Variants in ADAM9 observed in about 807,000 individuals in gnomAD.
ADAM9 encodes disintegrin and metalloproteinase domain-containing protein 9.
A neutral mutation model predicts 108.1 loss-of-function variants in ADAM9; 54 were observed. The observed-to-expected ratio is 0.50, with a 90% CI of 0.40 to 0.63. The LOEUF is 0.63. Among genes scored for constraint, ADAM9 ranks in the 20% least tolerant of loss-of-function variants. The pLI, the probability that ADAM9 is intolerant of heterozygous loss-of-function variation, is 0.00. For missense variants in ADAM9, 830 were observed against 997.7 expected, an observed-to-expected ratio of 0.83 and a Z score of 2.26; for synonymous variants, 316 against 336.0, an observed-to-expected ratio of 0.94 and a Z score of 0.65.
At chr8:39,028,136 A>G (rs1270838326) in intron 11 of ADAM9, among the ~76,000 whole-genome samples, 1 of 152,120 alleles carries the variant, frequency 6.6e-6, no homozygotes, top group Non-Finnish European at 1.5e-5. Flanking sequence ...CGTGGCCCCA[A>G]GTGTTCATGC....
chr8:39,062,670 C>G (rs1184147025), intron 14 of ADAM9, among the ~76,000 whole-genome samples: 1 of 152,194 alleles, frequency 6.6e-6, no homozygotes, highest in African/African-American at 2.4e-5. Flanking sequence ...CACCTAGAAT[C>G]TGATACTTTC....
intron 18 of ADAM9, among the ~76,000 whole-genome samples, chr8:39,086,520 C>G (rs985918494): frequency 2.0e-5 from 3 of 152,054 alleles, no homozygotes; most frequent in African/African-American, 7.2e-5. Flanking sequence ...ACATAAGATG[C>G]TCAATCTTTA....
intron 3 of ADAM9, among the ~76,000 whole-genome samples, chr8:39,012,597 C>G (rs1322987405): frequency 1.3e-5 from 2 of 152,138 alleles, no homozygotes; most frequent in Non-Finnish European, 2.9e-5. Context: ...ACATAGACAC[C>G]ATGGAATACT....
chr8:39,069,811 C>T (rs969851519), intron 14 of ADAM9, among the ~76,000 whole-genome samples: 2 of 151,732 alleles, frequency 1.3e-5, no homozygotes, highest in African/African-American at 4.8e-5. Flanking sequence ...TAAATATTTC[C>T]TCTACTGTCA....
rs576834506 is a variant in ADAM9 at position 39,063,215 on chromosome 8, T to A, written c.1591+7443T>A. 8.5e-5 allele frequency among the ~76,000 whole-genome samples: 13 copies of A among 152,344 alleles called. No individual in the cohort carries two copies. The South Asian group carries it at 2.7e-3, about 32-fold the overall frequency. On this transcript the variant is annotated intron_variant, in intron 14 of 21. Transcript: ENST00000487273. Reference sequence around the variant, plus strand: ...TCTTGGAGTGTGGTGAACCTCCTCATGGGTTGTATTTAGTATTTCACCTTT... The same window carrying A: ...TCTTGGAGTGTGGTGAACCTCCTCAAGGGTTGTATTTAGTATTTCACCTTT...
intron 13 of ADAM9, 49 bp downstream of exon 13, chr8:39,054,622 A>AG: frequency 1.4e-6 from 2 of 1,432,490 alleles, no homozygotes; most frequent in Non-Finnish European, 1.9e-6. Flanking sequence ...AAAAAAAAAA[A>AG]GAAAACCTGT....
At chr8:39,064,802 A>G in intron 14 of ADAM9, among the ~76,000 whole-genome samples, 1 of 152,164 alleles carries the variant, frequency 6.6e-6, no homozygotes, top group East Asian at 1.9e-4. Flanking sequence ...TTTTATTTGG[A>G]CTAAATACTT....
rs1838095917 is a variant in ADAM9 at position 39,055,657 on chromosome 8, C to T, written c.1476C>T (p.Phe492=). ...VPEYCNGSSQ[F]CQPDVFIQNG... is the part of the protein sequence containing the mutation. ...AGTACTGCAATGGTTCTTCTCAGTT[C>T]TGTCAGCCAGATGTTTTTATTCAGA... The change falls in exon 14 of 22, where the codon TTC becomes TTT. Residue 492 remains phenylalanine (F), a synonymous_variant. Transcript: ENST00000487273. The T allele has an allele frequency of 1.2e-6, 2 of 1,613,782 alleles. No homozygotes were observed. The highest frequency in any genetic ancestry group is 1.7e-6 in the Non-Finnish European group (2 of 1,179,790).
intron 12 of ADAM9, among the ~76,000 whole-genome samples, chr8:39,043,734 A>G (rs894723214): frequency 1.3e-5 from 2 of 152,046 alleles, no homozygotes; most frequent in East Asian, 3.9e-4. Flanking sequence ...TCAAATAGTG[A>G]ACATTGTACC....
rs141760645 is a variant in ADAM9 at position 39,014,868 on chromosome 8, A to G, written c.333+825A>G. 2.6e-3 allele frequency: 756 copies of G among 292,482 alleles called. 5 individuals are homozygous for G. The highest frequency in any genetic ancestry group is 0.015 in the African/African-American group (683 of 45,490). 18.1% of individuals were successfully genotyped at this position (292,482 alleles called of 1,614,324 possible). A position where few individuals can be genotyped will look rare whatever the true frequency, so the allele number is the denominator to read the frequency against. ...ACTTACAAAAACCAAGGAAATGCTGACTTAGGCCTATCTTCTGGTCCACTA... is the reference window on the plus strand; with the variant it reads ...ACTTACAAAAACCAAGGAAATGCTGGCTTAGGCCTATCTTCTGGTCCACTA... On this transcript the variant is annotated intron_variant, in intron 4 of 21. Coordinates refer to ENST00000487273, the MANE Select transcript of ADAM9 (RefSeq NM_003816.3).
chr8:39,045,882 T>C (rs890751408), intron 12 of ADAM9, among the ~76,000 whole-genome samples: 2 of 151,902 alleles, frequency 1.3e-5, no homozygotes, highest in Non-Finnish European at 2.9e-5. Flanking sequence ...GATCAGCCTT[T>C]TTTTTTTTGA....
intron 4 of ADAM9, 168 bp downstream of exon 4, chr8:39,014,211 A>T (rs970242418): frequency 1.6e-6 from 1 of 642,100 alleles, no homozygotes; most frequent in African/African-American, 1.8e-5. Context: ...TCTATAGACT[A>T]AGCTGTACCT....
At position 39,017,484 on chromosome 8, in the gene ADAM9, A is replaced by G; in HGVS notation, c.606+70A>G. 4.1e-6 allele frequency: 6 copies of G among 1,477,222 alleles called. No individual in the cohort carries two copies. In the South Asian group the frequency reaches 5.9e-5, roughly 15 times the overall value. 91.5% of individuals were successfully genotyped at this position (1,477,222 alleles called of 1,614,324 possible). ...GAAAAATCATGTATTTATTCATGAAATCAATACTATGAGTAGTGTTTTTTT... is the reference window on the plus strand; with the variant it reads ...GAAAAATCATGTATTTATTCATGAAGTCAATACTATGAGTAGTGTTTTTTT... On this transcript the variant is annotated intron_variant, in intron 6 of 21. Coordinates refer to ENST00000487273, the MANE Select transcript of ADAM9 (RefSeq NM_003816.3).
intron 12 of ADAM9, among the ~76,000 whole-genome samples, chr8:39,044,476 G>A (rs771051687): frequency 6.6e-6 from 1 of 151,976 alleles, no homozygotes; most frequent in Non-Finnish European, 1.5e-5. Flanking sequence ...GATTCAGGGG[G>A]TACATATGTA....
At chr8:39,048,018 T>G (rs1314710021) in intron 12 of ADAM9, among the ~76,000 whole-genome samples, 1 of 152,066 alleles carries the variant, frequency 6.6e-6, no homozygotes, top group Non-Finnish European at 1.5e-5. Context: ...CCTCCTGGTT[T>G]CTAGTGATTC....
intron 14 of ADAM9, among the ~76,000 whole-genome samples, chr8:39,065,200 GTGTTTTTTTT>G (rs1282519898): frequency 7.1e-6 from 1 of 140,602 alleles, no homozygotes; most frequent in East Asian, 2.0e-4. Flanking sequence ...CTTTTTATCT[GTGTTTTTTTT>G]TGTTTTTTTT....
intron 11 of ADAM9, 80 bp downstream of exon 11, chr8:39,026,890 A>C: frequency 6.4e-7 from 1 of 1,560,114 alleles, no homozygotes; most frequent in Non-Finnish European, 8.8e-7. Context: ...ATTCATGTCT[A>C]CATTGGGAAA....
chr8:39,103,619 A>C lies in ADAM9; in HGVS notation c.2379A>C (p.Pro793=), dbSNP rs905114121. The C allele has an allele frequency of 1.2e-6, 2 of 1,613,888 alleles. No homozygotes were observed. Among genetic ancestry groups the C allele is most frequent in the African/African-American group, 2.7e-5 (2 of 74,882 alleles). Residue 793 remains proline (P), a synonymous_variant, in exon 22 of 22, where the codon CCA becomes CCC. Transcript: ENST00000487273. ...PQQFPSRPPP[P]QPKVSSQGNL... is the part of the protein sequence containing the mutation. ...TTTCCCCTCGCAGGCCACCTCCACC[A>C]CAACCGAAAGTATCATCTCAGGGAA...
chr8:39,103,136 A>G (rs1002054467), intron 21 of ADAM9, among the ~76,000 whole-genome samples: 3 of 152,190 alleles, frequency 2.0e-5, no homozygotes, highest in Non-Finnish European at 4.4e-5. Context: ...CACAGGTGGA[A>G]GTATGAGGTT....
Sources: gnomAD v4.1 joint callset for allele counts (sites outside exome capture counted in the v4.1 genomes callset) on GRCh38, gnomAD v4.1.1 for gene constraint, MANE v1.5 for transcripts, NCBI Gene and HGNC (gene_info 2026-07-23, HGNC 2026-07-21) for gene names.